NRCAM: variants seen among roughly 807,000 people sequenced by gnomAD.
NRCAM encodes NgCAM-related cell adhesion molecule.
In NRCAM, 83 loss-of-function variants were observed where a neutral mutation model predicts 156.5. The ratio of observed to expected loss-of-function variants is 0.53; its 90% CI spans 0.44 to 0.64. NRCAM has a LOEUF of 0.64. Ranked by LOEUF, NRCAM falls within the 30% of genes least tolerant of loss-of-function variation. NRCAM has a pLI of 0.00. For missense variants in NRCAM, 1,417 were observed against 1,597.3 expected, an observed-to-expected ratio of 0.89 and a Z score of 1.92; for synonymous variants, 538 against 563.9, an observed-to-expected ratio of 0.95 and a Z score of 0.65.
chr7:108,320,926 A>G lies in NRCAM; in HGVS notation c.-173-8195T>C, dbSNP rs2098994181. Among the ~76,000 whole-genome samples the G allele has an allele frequency of 3.3e-5, 5 of 152,376 alleles. No homozygotes were observed. The South Asian group carries it at 1.0e-3, about 32-fold the overall frequency. On this transcript the variant is annotated intron_variant, in intron 2 of 32. Coordinates refer to ENST00000379028, the MANE Select transcript of NRCAM (RefSeq NM_001037132.4). ...TAATTTACGCAGGCGTAAATGCTCA[A>G]TAAGTAGATGACAGACATTTCTGTG...
At chr7:108,452,845 G>C (rs952653082) in intron 1 of NRCAM, among the ~76,000 whole-genome samples, 1 of 151,996 alleles carries the variant, frequency 6.6e-6, no homozygotes, top group African/African-American at 2.4e-5. Flanking sequence ...GCTGATCTAT[G>C]GTGAGAATAT....
At position 108,314,177 on chromosome 7, in the gene NRCAM, TG is replaced by T. The variant is rs560417811; in HGVS notation, c.-173-1447del. Among the ~76,000 whole-genome samples, 104 of 152,294 alleles carry T rather than the reference TG, an allele frequency of 6.8e-4. 1 individual carries two copies. The highest frequency in any genetic ancestry group is 3.4e-3 in the Middle Eastern group (1 of 294). The stretch of plus-strand genomic sequence containing the variant: ...TGCTACATTTTTAACCACCTTGTGG[TG>T]ATGTAAACCCTGAAGGGTTTGCAAA... On this transcript the variant is annotated intron_variant, in intron 2 of 32. Transcript: ENST00000379028.
chr7:108,178,300 CTT>C (rs1306727303), intron 25 of NRCAM, 188 bp from the exon 26 acceptor site: 7 of 556,254 alleles, frequency 1.3e-5, no homozygotes, highest in Middle Eastern at 2.9e-4. Context: ...CTTTTTCTCT[CTT>C]GTCATTTACA....
chr7:108,186,540 T>C (rs1417515573), intron 20 of NRCAM, among the ~76,000 whole-genome samples: 1 of 152,044 alleles, frequency 6.6e-6, no homozygotes, highest in African/African-American at 2.4e-5. Flanking sequence ...GCCACCCTCA[T>C]CTCTTGTGTG....
intron 3 of NRCAM, among the ~76,000 whole-genome samples, chr7:108,250,263 A>C (rs1030268676): frequency 3.3e-5 from 5 of 151,966 alleles, no homozygotes; most frequent in African/African-American, 9.7e-5. Context: ...CACACACACA[A>C]AAAATACACA....
At chr7:108,390,185 G>C (rs1056692251) in intron 2 of NRCAM, among the ~76,000 whole-genome samples, 1 of 152,068 alleles carries the variant, frequency 6.6e-6, no homozygotes, top group Non-Finnish European at 1.5e-5. Context: ...TCTGGTCCTG[G>C]ACTTTTTTTG....
intron 1 of NRCAM, among the ~76,000 whole-genome samples, chr7:108,401,418 G>A (rs1329513799): frequency 1.3e-5 from 2 of 152,080 alleles, no homozygotes; most frequent in Non-Finnish European, 2.9e-5. Context: ...GTGCGCACCT[G>A]TGGTCCCCGC....
intron 2 of NRCAM, among the ~76,000 whole-genome samples, chr7:108,377,161 A>C (rs2099679455): frequency 6.6e-6 from 1 of 152,162 alleles, no homozygotes; most frequent in Non-Finnish European, 1.5e-5. Flanking sequence ...CTCCAAAAAA[A>C]ATTGAAAGTG....
At chr7:108,221,018 C>A (rs1461324629) in intron 11 of NRCAM, among the ~76,000 whole-genome samples, 1 of 152,090 alleles carries the variant, frequency 6.6e-6, no homozygotes, top group African/African-American at 2.4e-5. Context: ...AACAGACAAT[C>A]CCATCAAAAA....
At chr7:108,239,794 G>A (rs1326573231) in intron 4 of NRCAM, among the ~76,000 whole-genome samples, 165 bp downstream of exon 4, 1 of 152,168 alleles carries the variant, frequency 6.6e-6, no homozygotes, top group Non-Finnish European at 1.5e-5. Flanking sequence ...CTTCTACAGT[G>A]TGAATCTTTA....
chr7:108,169,895 T>C (rs2057396156), intron 28 of NRCAM, among the ~76,000 whole-genome samples: 1 of 152,232 alleles, frequency 6.6e-6, no homozygotes, highest in African/African-American at 2.4e-5. Context: ...ATAATACTTC[T>C]AACACAAGAG....
At chr7:108,277,048 T>C (rs931491821) in intron 3 of NRCAM, among the ~76,000 whole-genome samples, 3 of 152,208 alleles carry the variant, frequency 2.0e-5, no homozygotes, top group Non-Finnish European at 2.9e-5. Context: ...TCTTTAAGAA[T>C]GTTGAATATT....
At chr7:108,443,089 C>T (rs769355289) in intron 1 of NRCAM, among the ~76,000 whole-genome samples, 8 of 152,132 alleles carry the variant, frequency 5.3e-5, no homozygotes, top group Non-Finnish European at 1.2e-4. Flanking sequence ...CAGTGAATGA[C>T]ACAAACTCAG....
intron 8 of NRCAM, among the ~76,000 whole-genome samples, chr7:108,227,045 T>C (rs1421506157): frequency 3.9e-5 from 6 of 152,188 alleles, no homozygotes; most frequent in Non-Finnish European, 8.8e-5. Flanking sequence ...GAATTAATTA[T>C]CACCTTCTGG....
At chr7:108,239,156 C>T (rs565227449) in intron 4 of NRCAM, among the ~76,000 whole-genome samples, 1 of 152,260 alleles carries the variant, frequency 6.6e-6, no homozygotes, top group East Asian at 1.9e-4. Flanking sequence ...GGAAAAGTGA[C>T]TGGGTGGAAC....
chr7:108,292,986 A>G (rs889685203), intron 3 of NRCAM, among the ~76,000 whole-genome samples: 3 of 152,204 alleles, frequency 2.0e-5, no homozygotes, highest in Admixed American at 1.3e-4. Flanking sequence ...ATGGTTTGCT[A>G]AAATCCATTT....
intron 2 of NRCAM, among the ~76,000 whole-genome samples, chr7:108,340,493 G>C (rs931203050): frequency 6.6e-6 from 1 of 152,164 alleles, no homozygotes; most frequent in Non-Finnish European, 1.5e-5. Flanking sequence ...ACTGCAGCCC[G>C]AGAGTTTGGC....
chr7:108,282,136 T>A (rs2097883491), intron 3 of NRCAM, among the ~76,000 whole-genome samples: 1 of 152,218 alleles, frequency 6.6e-6, no homozygotes, highest in African/African-American at 2.4e-5. Flanking sequence ...CTTAGTAGTA[T>A]AACAAAGTAC....
rs2063654881 is a variant in NRCAM at position 108,181,810 on chromosome 7, C to G, written c.2646+12G>C. On this transcript the variant is annotated intron_variant, in intron 24 of 32. Coordinates refer to ENST00000379028, the MANE Select transcript of NRCAM (RefSeq NM_001037132.4). ...TACTAAATAAAGCCACAAAAGGTCC[C>G]CTTTCACTTGCCCGATAGCCTTGTA... The G allele has an allele frequency of 1.3e-6, 2 of 1,595,672 alleles. No homozygotes were observed. The highest frequency in any genetic ancestry group is 1.7e-6 in the Non-Finnish European group (2 of 1,163,750).
Sources: gnomAD v4.1 joint callset for allele counts (sites outside exome capture counted in the v4.1 genomes callset) on GRCh38, gnomAD v4.1.1 for gene constraint, MANE v1.5 for transcripts, NCBI Gene and HGNC (gene_info 2026-07-23, HGNC 2026-07-21) for gene names.